The following ABLIM3 variants were observed in gnomAD, a reference collection of about 807,000 sequenced individuals.
ABLIM3 encodes the protein actin-binding LIM protein 3.
Under a neutral mutation model 109.5 loss-of-function variants are expected in ABLIM3, and 61 were observed. The observed-to-expected ratio is 0.56, with a 90% CI of 0.45 to 0.69. The LOEUF (loss-of-function observed/expected upper bound fraction) is 0.69, where lower values mean the gene tolerates loss of function less well. ABLIM3 is among the 30% of genes least tolerant of loss of function. ABLIM3 has a pLI of 0.00. For missense variants in ABLIM3, 796 were observed against 889.5 expected, an observed-to-expected ratio of 0.89 and a Z score of 1.34; for synonymous variants, 300 against 324.8, an observed-to-expected ratio of 0.92 and a Z score of 0.82.
chr5:149,251,255 C>A, intron 20 of ABLIM3, 104 bp from the exon 21 acceptor site: 2 of 1,293,284 alleles, frequency 1.5e-6, no homozygotes, highest in Non-Finnish European at 2.2e-6. Flanking sequence ...TGAGAAGGCC[C>A]TATGTCCCAC....
At chr5:149,146,627 G>GTA (rs1310914313) in intron 2 of ABLIM3, among the ~76,000 whole-genome samples, 1 of 152,142 alleles carries the variant, frequency 6.6e-6, no homozygotes, top group Non-Finnish European at 1.5e-5. Context: ...ATGGCTGTAG[G>GTA]TATGTGGCTT....
chr5:149,183,372 T>G (rs899722555), intron 2 of ABLIM3, 80 bp from the exon 3 acceptor site: 1 of 1,425,896 alleles, frequency 7.0e-7, no homozygotes, highest in Non-Finnish European at 9.3e-7. Flanking sequence ...TTCTTCCAGC[T>G]ACAATTATGA....
rs1157892358 is a variant in ABLIM3 at position 149,260,347 on chromosome 5, T to A, written c.*1943T>A. 6.6e-6 allele frequency: 1 copy of A among 152,668 alleles called. No individual in the cohort carries two copies. The highest frequency in any genetic ancestry group is 1.5e-5 in the Non-Finnish European group (1 of 68,042). 9.5% of individuals were successfully genotyped at this position (152,668 alleles called of 1,614,324 possible). A position where few individuals can be genotyped will look rare whatever the true frequency, so the allele number is the denominator to read the frequency against. Reference sequence around the variant, plus strand: ...CGCAATCATGGAAGTTGCCTTATTGTCACTGGTTAAGAACTTGGCGAGATT... The same window carrying A: ...CGCAATCATGGAAGTTGCCTTATTGACACTGGTTAAGAACTTGGCGAGATT... On this transcript the variant is annotated 3_prime_UTR_variant, in exon 24 of 24. Transcript: ENST00000309868.
chr5:149,183,650 T>G (rs1190094544), intron 3 of ABLIM3, 61 bp downstream of exon 3: 6 of 1,441,178 alleles, frequency 4.2e-6, no homozygotes, highest in Non-Finnish European at 5.5e-6. Flanking sequence ...CACCATCAGG[T>G]CATGCCTCAG....
intron 2 of ABLIM3, among the ~76,000 whole-genome samples, chr5:149,159,755 C>G (rs1417268049): frequency 6.6e-6 from 1 of 152,146 alleles, no homozygotes; most frequent in African/African-American, 2.4e-5. Flanking sequence ...TTTGGTAAAC[C>G]TTTAAGCGTC....
intron 17 of ABLIM3, 68 bp downstream of exon 17, chr5:149,246,614 A>G: frequency 6.6e-7 from 1 of 1,521,320 alleles, no homozygotes; most frequent in South Asian, 1.2e-5. Flanking sequence ...TTTCATTTAC[A>G]AGCAACAAAA....
At chr5:149,248,059 C>G in intron 18 of ABLIM3, 130 bp downstream of exon 18, 2 of 1,210,332 alleles carry the variant, frequency 1.7e-6, no homozygotes, top group Non-Finnish European at 2.3e-6. Flanking sequence ...TTCTTCCTCA[C>G]AGCAGCCCTG....
At chr5:149,222,666 T>TC (rs1475739882) in intron 8 of ABLIM3, among the ~76,000 whole-genome samples, 3 of 51,412 alleles carry the variant, frequency 5.8e-5, no homozygotes, top group Non-Finnish European at 1.5e-4. Context: ...GATTACTTTT[T>TC]TTTTTTTTTT....
At chr5:149,208,277 C>T (rs112415730) in intron 6 of ABLIM3, among the ~76,000 whole-genome samples, 3,996 of 152,294 alleles carry the variant, frequency 0.026, 75 homozygotes, top group Middle Eastern at 0.051. Context: ...TGGCTTCAGA[C>T]ATGGAGGAAT....
In ABLIM3 at chr5:149,142,186, T is replaced by G. The variant is rs1368761229; in HGVS notation, c.13+78T>G. The G allele has an allele frequency of 1.9e-6, 3 of 1,587,152 alleles. No homozygotes were observed. The African/African-American group carries it at 4.0e-5, about 21-fold the overall frequency. On this transcript the variant is annotated intron_variant, in intron 2 of 23. Transcript: ENST00000309868. ...TGAGGGAGCCTGCGCTCGGGCTGCC[T>G]GGAAAGAGGAAGGAAGCCTGGCATC...
At chr5:149,251,269 C>CG (rs1298699594) in intron 20 of ABLIM3, 90 bp from the exon 21 acceptor site, 39 of 1,451,110 alleles carry the variant, frequency 2.7e-5, no homozygotes, top group Non-Finnish European at 3.3e-5. Flanking sequence ...GTCCCACAAG[C>CG]GCCAGTCCAT....
intron 2 of ABLIM3, among the ~76,000 whole-genome samples, chr5:149,165,989 C>T (rs1030029611): frequency 1.3e-5 from 2 of 152,194 alleles, no homozygotes; most frequent in African/African-American, 4.8e-5. Flanking sequence ...CTGGCAATGG[C>T]ACCAAAGTTT....
intron 2 of ABLIM3, among the ~76,000 whole-genome samples, chr5:149,153,727 G>GT (rs1455597265): frequency 1.3e-5 from 2 of 152,210 alleles, no homozygotes; most frequent in Non-Finnish European, 2.9e-5. Context: ...CCACATGTTG[G>GT]TTTTGTGTCT....
chr5:149,193,997 C>A (rs375887071), intron 3 of ABLIM3, among the ~76,000 whole-genome samples: 3 of 152,200 alleles, frequency 2.0e-5, no homozygotes, highest in South Asian at 2.1e-4. Flanking sequence ...ATAGGAGATA[C>A]CTTTTTAGGA....
chr5:149,253,698 A>C (rs1246051771), intron 23 of ABLIM3, among the ~76,000 whole-genome samples: 1 of 152,200 alleles, frequency 6.6e-6, no homozygotes, highest in Admixed American at 6.5e-5. Flanking sequence ...GAGGTGGGCC[A>C]GAACATGGTG....
At chr5:149,189,467 A>T (rs576048959) in intron 3 of ABLIM3, among the ~76,000 whole-genome samples, 85 of 152,374 alleles carry the variant, frequency 5.6e-4, no homozygotes, top group African/African-American at 2.0e-3. Context: ...CTGAAAAAAT[A>T]TTTGTGTCTC....
intron 3 of ABLIM3, among the ~76,000 whole-genome samples, chr5:149,197,934 G>T (rs572005964): frequency 1.3e-5 from 2 of 152,284 alleles, no homozygotes; most frequent in East Asian, 3.9e-4. Context: ...TCAGGCCCGG[G>T]CATCTGGATT....
chr5:149,244,956 C>T lies in ABLIM3; in HGVS notation c.1427C>T (p.Ser476Leu), dbSNP rs754273810. Residue 476 changes from serine (S) to leucine (L), a missense_variant, in exon 16 of 24, where the codon TCG becomes TTG. By Grantham distance (145) the Ser-to-Leu change is moderately radical (BLOSUM62 -2). Transcript: ENST00000309868. ...SQTSKYSPIYSPDPYYASESE... is the reference protein window; with the variant it reads ...SQTSKYSPIYLPDPYYASESE... The stretch of plus-strand genomic sequence containing the variant: ...ACCTCCAAGTACAGTCCCATCTACT[C>T]GCCAGACCCCTACTATGCTTCGGAG... The T allele has an allele frequency of 5.0e-6, 8 of 1,614,168 alleles. No homozygotes were observed. The highest frequency in any genetic ancestry group is 6.8e-6 in the Non-Finnish European group (8 of 1,180,026).
intron 2 of ABLIM3, among the ~76,000 whole-genome samples, chr5:149,160,253 G>A (rs1449914160): frequency 2.0e-5 from 3 of 151,944 alleles, no homozygotes; most frequent in African/African-American, 7.3e-5. Context: ...TCAGGAGTTC[G>A]AGACCAGCCT....
Sources: allele counts gnomAD v4.1 joint callset (sites outside exome capture counted in the v4.1 genomes callset), GRCh38; gene constraint gnomAD v4.1.1; transcripts MANE v1.5; gene names NCBI Gene and HGNC (gene_info 2026-07-23, HGNC 2026-07-21).